LUZP2: variants seen among roughly 807,000 people sequenced by gnomAD.
LUZP2 encodes leucine zipper protein 2.
Under a neutral mutation model 51.6 loss-of-function variants are expected in LUZP2, and 52 were observed. The ratio of observed to expected loss-of-function variants is 1.01; its 90% CI spans 0.81 to 1.27. LUZP2 has a LOEUF of 1.27. LUZP2 is among the 50% of genes most tolerant of loss of function. The pLI, the probability that LUZP2 is intolerant of heterozygous loss-of-function variation, is 0.00. For missense variants in LUZP2, 436 were observed against 395.4 expected (o/e 1.10, Z -0.87); for synonymous variants, 154 against 137.3 (o/e 1.12, Z -0.85).
intron 1 of LUZP2, among the ~76,000 whole-genome samples, chr11:24,724,548 G>C (rs1191197061): frequency 6.6e-6 from 1 of 152,142 alleles, no homozygotes; most frequent in East Asian, 1.9e-4. Context: ...TCCAGCCTGG[G>C]TGGCAGAGCC....
chr11:24,847,403 G>T (rs1432695581), intron 5 of LUZP2, among the ~76,000 whole-genome samples: 1 of 152,100 alleles, frequency 6.6e-6, no homozygotes, highest in African/African-American at 2.4e-5. Context: ...ACAGTATACA[G>T]ACATTTCGTT....
At chr11:24,498,175 A>T (rs956188883) in intron 1 of LUZP2, among the ~76,000 whole-genome samples, 1 of 152,216 alleles carries the variant, frequency 6.6e-6, no homozygotes, top group East Asian at 1.9e-4. Flanking sequence ...TTTATTCTGC[A>T]TGCCCTTAGC....
chr11:24,707,611 G>C (rs976650986), intron 1 of LUZP2, among the ~76,000 whole-genome samples: 3 of 152,012 alleles, frequency 2.0e-5, no homozygotes, highest in African/African-American at 7.2e-5. Context: ...GAGTCCAAAG[G>C]CAAGACAACC....
chr11:24,600,505 G>A (rs1007837913), intron 1 of LUZP2, among the ~76,000 whole-genome samples: 2 of 152,056 alleles, frequency 1.3e-5, no homozygotes, highest in Non-Finnish European at 2.9e-5. Context: ...AAAAAGTTTC[G>A]CTGCCATTTC....
intron 4 of LUZP2, among the ~76,000 whole-genome samples, chr11:24,750,136 G>A (rs1444336722): frequency 1.3e-5 from 2 of 152,188 alleles, no homozygotes; most frequent in East Asian, 1.9e-4. Context: ...TCAGAACCTG[G>A]GGAAGTGAAC....
At chr11:24,969,753 A>C (rs1855692057) in intron 7 of LUZP2, among the ~76,000 whole-genome samples, 1 of 152,178 alleles carries the variant, frequency 6.6e-6, no homozygotes, top group Non-Finnish European at 1.5e-5. Context: ...CCATCTTTGC[A>C]ACTGAGCATT....
chr11:24,678,052 A>C (rs1856622848), intron 1 of LUZP2, among the ~76,000 whole-genome samples: 1 of 121,380 alleles, frequency 8.2e-6, no homozygotes, highest in Admixed American at 8.8e-5. Flanking sequence ...AGAAAGAAAG[A>C]AAGAAAAGGG....
intron 9 of LUZP2, among the ~76,000 whole-genome samples, chr11:24,993,550 C>T (rs920075326): frequency 1.3e-5 from 2 of 152,044 alleles, no homozygotes; most frequent in South Asian, 2.1e-4. Context: ...TAATCATATA[C>T]ACAGTTAGAA....
At chr11:25,038,429 A>G (rs1857931954) in intron 9 of LUZP2, among the ~76,000 whole-genome samples, 1 of 152,216 alleles carries the variant, frequency 6.6e-6, no homozygotes. Context: ...ACAACCAGCA[A>G]CAACAGGATG....
At chr11:24,639,857 T>TACCTTCCTCTCC (rs201494877) in intron 1 of LUZP2, among the ~76,000 whole-genome samples, 2,254 of 152,006 alleles carry the variant, frequency 0.015, 73 homozygotes, top group East Asian at 0.072. Context: ...GAATCCTCTC[T>TACCTTCCTCTCC]ACCTTCCTCT....
intron 10 of LUZP2, among the ~76,000 whole-genome samples, chr11:25,056,889 A>G (rs1858701125): frequency 6.6e-6 from 1 of 152,130 alleles, no homozygotes; most frequent in Non-Finnish European, 1.5e-5. Context: ...TCACGAGGTC[A>G]GGAGATCGAG....
intron 7 of LUZP2, among the ~76,000 whole-genome samples, chr11:24,938,215 T>C (rs937772561): frequency 6.6e-6 from 1 of 152,140 alleles, no homozygotes; most frequent in African/African-American, 2.4e-5. Flanking sequence ...AAATGAATTA[T>C]TGGGATACAT....
chr11:25,074,029 A>G (rs1859232702), intron 10 of LUZP2, among the ~76,000 whole-genome samples: 1 of 152,200 alleles, frequency 6.6e-6, no homozygotes, highest in East Asian at 1.9e-4. Context: ...CATAAAGCAA[A>G]GTCTATTTCA....
At chr11:25,007,435 T>C (rs961810953) in intron 9 of LUZP2, among the ~76,000 whole-genome samples, 1 of 152,104 alleles carries the variant, frequency 6.6e-6, no homozygotes, top group Non-Finnish European at 1.5e-5. Flanking sequence ...AAACCCCATC[T>C]CTACTAAAAA....
At chr11:24,692,065 A>T (rs567048000) in intron 1 of LUZP2, among the ~76,000 whole-genome samples, 50 of 152,152 alleles carry the variant, frequency 3.3e-4, no homozygotes, top group African/African-American at 1.2e-3. Context: ...TGAATAGGTT[A>T]TATTCATGCT....
At chr11:24,968,665 C>A (rs1381612475) in intron 7 of LUZP2, among the ~76,000 whole-genome samples, 1 of 152,178 alleles carries the variant, frequency 6.6e-6, no homozygotes, top group African/African-American at 2.4e-5. Context: ...GTTACCCAAG[C>A]TGATTTTTGG....
intron 5 of LUZP2, among the ~76,000 whole-genome samples, chr11:24,827,198 T>C (rs910882968): frequency 1.3e-5 from 2 of 152,180 alleles, no homozygotes; most frequent in African/African-American, 4.8e-5. Context: ...ATTTGTAGCA[T>C]TTAATTACCA....
chr11:24,525,330 T>A (rs1460784644), intron 1 of LUZP2, among the ~76,000 whole-genome samples: 2 of 151,664 alleles, frequency 1.3e-5, no homozygotes, highest in Admixed American at 6.6e-5. Flanking sequence ...ATTGCCTGCT[T>A]CACATAATCC....
intron 9 of LUZP2, among the ~76,000 whole-genome samples, chr11:24,999,515 G>A (rs1354991672): frequency 6.6e-6 from 1 of 151,622 alleles, no homozygotes; most frequent in Non-Finnish European, 1.5e-5. Flanking sequence ...AGAAGAGGAG[G>A]AGGAAGAGAA....
Sources: allele counts gnomAD v4.1 joint callset (sites outside exome capture counted in the v4.1 genomes callset), GRCh38; gene constraint gnomAD v4.1.1; transcripts MANE v1.5; gene names NCBI Gene and HGNC (gene_info 2026-07-23, HGNC 2026-07-21).